Variants in CTIF observed in about 807,000 individuals in gnomAD.
CTIF encodes cap binding complex dependent translation initiation factor.
Under a neutral mutation model 66.0 loss-of-function variants are expected in CTIF, and 21 were observed. That is an observed-to-expected ratio of 0.32 (90% confidence interval 0.23 to 0.46). The LOEUF (loss-of-function observed/expected upper bound fraction) is 0.46, where lower values mean the gene tolerates loss of function less well. CTIF is among the 20% of genes least tolerant of loss of function. The probability of loss-of-function intolerance (pLI) is 1.00; values close to 1 mark genes in which losing one functional copy is unlikely to be tolerated. For synonymous variants in CTIF, 345 were observed against 326.4 expected (o/e 1.06, Z -0.62); for missense variants, 739 against 812.7 (o/e 0.91, Z 1.10).
chr18:48,686,685 G>C (rs112927663), intron 6 of CTIF, among the ~76,000 whole-genome samples: 2 of 152,138 alleles, frequency 1.3e-5, no homozygotes, highest in Non-Finnish European at 2.9e-5. Context: ...GAAAGGGAAG[G>C]GGACTTGGGG....
At chr18:48,773,534 C>T (rs892057411) in intron 9 of CTIF, among the ~76,000 whole-genome samples, 2 of 152,262 alleles carry the variant, frequency 1.3e-5, no homozygotes, top group African/African-American at 4.8e-5. Flanking sequence ...GCTCCCCTAG[C>T]GCTGGTCCCC....
chr18:48,572,420 G>T lies in CTIF; in HGVS notation c.-29+33108G>T, dbSNP rs537567766. ...AAGACCCTGGGAATGCAGAGGAGAG[G>T]AGCCTGGGTTGCCTGTGTGGCTATC... On this transcript the variant is annotated intron_variant, in intron 1 of 11. Coordinates refer to ENST00000256413, the MANE Select transcript of CTIF (RefSeq NM_014772.3). Among the ~76,000 whole-genome samples the T allele has an allele frequency of 6.0e-4, 92 of 152,294 alleles. 3 individuals are homozygous for T. In the South Asian group the frequency reaches 0.018, roughly 31 times the overall value.
At chr18:48,670,279 C>T (rs1429392912) in intron 5 of CTIF, among the ~76,000 whole-genome samples, 2 of 152,174 alleles carry the variant, frequency 1.3e-5, no homozygotes, top group Admixed American at 1.3e-4. Flanking sequence ...GGGTTTTCTG[C>T]TAGCCCCTGC....
chr18:48,702,224 A>G (rs2092093603), intron 6 of CTIF, among the ~76,000 whole-genome samples: 1 of 152,174 alleles, frequency 6.6e-6, no homozygotes, highest in Non-Finnish European at 1.5e-5. Flanking sequence ...AGGAAAAGGG[A>G]GAGAGGGGTG....
chr18:48,646,267 T>G (rs62102954), intron 3 of CTIF, among the ~76,000 whole-genome samples: 9,458 of 152,206 alleles, frequency 0.062, 714 homozygotes, highest in East Asian at 0.39. Context: ...CATTTTTCAC[T>G]GAAGACGTTT....
intron 1 of CTIF, among the ~76,000 whole-genome samples, chr18:48,590,043 T>C (rs138180718): frequency 3.0e-4 from 46 of 152,052 alleles, no homozygotes; most frequent in Non-Finnish European, 6.3e-4. Flanking sequence ...TGGAAGTTCA[T>C]TGTTGCTCTG....
At chr18:48,839,568 G>A (rs1295701538) in intron 10 of CTIF, among the ~76,000 whole-genome samples, 2 of 150,132 alleles carry the variant, frequency 1.3e-5, no homozygotes, top group East Asian at 2.0e-4. Flanking sequence ...TACAGGTAAG[G>A]AAACTGAGAC....
chr18:48,667,005 C>CT (rs11445756), intron 5 of CTIF, among the ~76,000 whole-genome samples: 5,362 of 151,782 alleles, frequency 0.035, 212 homozygotes, highest in African/African-American at 0.095. Context: ...CAGGATTTTG[C>CT]TTTTCTCAAG....
intron 7 of CTIF, among the ~76,000 whole-genome samples, chr18:48,726,313 G>C (rs1022200497): frequency 6.6e-6 from 1 of 152,162 alleles, no homozygotes; most frequent in Non-Finnish European, 1.5e-5. Context: ...ATCTATTGCT[G>C]TGTAACAAAT....
intron 1 of CTIF, among the ~76,000 whole-genome samples, chr18:48,593,047 C>G (rs1190599187): frequency 6.6e-6 from 1 of 152,210 alleles, no homozygotes; most frequent in Non-Finnish European, 1.5e-5. Context: ...TAGAGGATGC[C>G]TGTGAAGTTT....
At position 48,806,771 on chromosome 18, in the gene CTIF, G is replaced by A. The variant is rs572188282; in HGVS notation, c.1372-10450G>A. ...ATGCCAGAGCTCATGTGGTTATCCC[G>A]AGTGGGAAGAATTTCCCAGAATGCC... On this transcript the variant is annotated intron_variant, in intron 9 of 11. Transcript: ENST00000256413. Among the ~76,000 whole-genome samples, 11 of 152,278 alleles carry A rather than the reference G, an allele frequency of 7.2e-5. 1 individual carries two copies. In the South Asian group the frequency reaches 1.2e-3, roughly 17 times the overall value.
chr18:48,761,708 C>A lies in CTIF; in HGVS notation c.1371+19C>A. The A allele has an allele frequency of 3.1e-6, 5 of 1,596,418 alleles. No individual in the cohort carries two copies. The highest frequency in any genetic ancestry group is 1.3e-5 in the African/African-American group (1 of 74,768). ...GCTGCAGGTAACTGGACGCCGGCCA[C>A]CACCGCCCCGCGCCCCCTGCCCCTC... On this transcript the variant is annotated intron_variant, in intron 9 of 11. Coordinates refer to ENST00000256413, the MANE Select transcript of CTIF (RefSeq NM_014772.3). The surrounding 1 kb of genome is among the most constrained non-coding windows in gnomAD (Gnocchi z 4.2).
At chr18:48,767,253 G>A (rs569037516) in intron 9 of CTIF, among the ~76,000 whole-genome samples, 6 of 152,182 alleles carry the variant, frequency 3.9e-5, no homozygotes, top group Non-Finnish European at 8.8e-5. Context: ...GTGATACAGG[G>A]CGGTGAAGGG....
intron 9 of CTIF, among the ~76,000 whole-genome samples, chr18:48,801,914 C>T (rs999925833): frequency 3.3e-5 from 5 of 152,226 alleles, no homozygotes; most frequent in Non-Finnish European, 7.3e-5. Context: ...CTCCCAGTTC[C>T]TCCCACAGGA....
At position 48,859,862 on chromosome 18, in the gene CTIF, C is replaced by T. The variant is rs983908545; in HGVS notation, c.*303C>T. 2 of 579,832 alleles carry T rather than the reference C, an allele frequency of 3.4e-6. No individual in the cohort carries two copies. The highest frequency in any genetic ancestry group is 6.5e-6 in the Non-Finnish European group (2 of 306,190). 35.9% of individuals were successfully genotyped at this position (579,832 alleles called of 1,614,324 possible). ...CCGCCTCTCCCCTCCCCATCAGACC[C>T]ATCCCCCACGGAGCTTTGTGTGAGG... is the stretch of plus-strand genomic sequence containing the variant. On this transcript the variant is annotated 3_prime_UTR_variant, in exon 12 of 12. Transcript: ENST00000256413.
chr18:48,643,726 A>C (rs1400150736), intron 3 of CTIF, among the ~76,000 whole-genome samples: 2 of 152,160 alleles, frequency 1.3e-5, no homozygotes, highest in African/African-American at 4.8e-5. Flanking sequence ...AGTCAGAGAA[A>C]GACTTTTGCT....
intron 1 of CTIF, among the ~76,000 whole-genome samples, chr18:48,564,557 T>C (rs1393637851): frequency 1.3e-5 from 2 of 152,352 alleles, no homozygotes; most frequent in East Asian, 3.9e-4. Context: ...GGAGATATTT[T>C]GGAAAACAGA....
chr18:48,835,350 G>C (rs2068786145), intron 10 of CTIF, among the ~76,000 whole-genome samples: 1 of 152,174 alleles, frequency 6.6e-6, no homozygotes, highest in Non-Finnish European at 1.5e-5. Flanking sequence ...CTGTGCTGAT[G>C]GTCTTACAGA....
intron 1 of CTIF, among the ~76,000 whole-genome samples, chr18:48,613,630 C>T (rs2090348140): frequency 6.6e-6 from 1 of 152,198 alleles, no homozygotes; most frequent in South Asian, 2.1e-4. Context: ...TTGGCTGCAG[C>T]AGGAGGTGGG....
Sources: allele counts gnomAD v4.1 joint callset (sites outside exome capture counted in the v4.1 genomes callset), GRCh38; gene constraint gnomAD v4.1.1; non-coding constraint Gnocchi (gnomAD v3.1); transcripts MANE v1.5; gene names NCBI Gene and HGNC (gene_info 2026-07-23, HGNC 2026-07-21).